Variants in NEMP2 observed in about 807,000 individuals in gnomAD.
NEMP2 encodes the protein nuclear envelope integral membrane protein 2.
NEMP2 carries 53 observed loss-of-function variants against 54.2 expected under a neutral mutation model. That is an observed-to-expected ratio of 0.98 (90% CI 0.78 to 1.23). The LOEUF (loss-of-function observed/expected upper bound fraction) is 1.23. NEMP2 is among the 50% of genes most tolerant of loss of function. NEMP2 has a pLI of 0.00. For synonymous variants in NEMP2, 197 were observed against 190.3 expected, an observed-to-expected ratio of 1.04 and a Z score of -0.29; for missense variants, 455 against 511.3, an observed-to-expected ratio of 0.89 and a Z score of 1.06.
the NEMP2 span, among the ~76,000 whole-genome samples, chr2:190,548,936 T>C: frequency 2.0e-5 from 3 of 152,242 alleles, no homozygotes; most frequent in Non-Finnish European, 4.4e-5. Context: ...CATGTGTTTG[T>C]TTATAGTTGT....
chr2:190,519,755 T>G lies in NEMP2; in HGVS notation c.214-572A>C, dbSNP rs1329634509. ...AAGTCCCTCTTCTAGCAAGTTATTG[T>G]GGCCAAGAGACATTAAAAAGGATAA... On this transcript the variant is annotated intron_variant, in intron 2 of 8. Transcript: ENST00000409150. This position sits in a 1 kb window ranked among gnomAD's most constrained non-coding sequence, Gnocchi z 5.4. Among the ~76,000 whole-genome samples, 1 of 152,212 alleles carries G rather than the reference T, an allele frequency of 6.6e-6. No individual in the cohort carries two copies. The highest frequency in any genetic ancestry group is 1.5e-5 in the Non-Finnish European group (1 of 68,030).
At chr2:190,545,058 G>A in the NEMP2 span, among the ~76,000 whole-genome samples, 17 of 151,950 alleles carry the variant, frequency 1.1e-4, no homozygotes, top group South Asian at 3.1e-3. Context: ...CTATGATTAC[G>A]CCACTGCATT....
chr2:190,623,723 T>C, the NEMP2 span, among the ~76,000 whole-genome samples: 3 of 151,876 alleles, frequency 2.0e-5, no homozygotes, highest in African/African-American at 7.2e-5. Flanking sequence ...AAGAAAACAT[T>C]GGGGGAAATG....
the NEMP2 span, among the ~76,000 whole-genome samples, chr2:190,578,604 G>A: frequency 6.6e-6 from 1 of 152,136 alleles, no homozygotes; most frequent in African/African-American, 2.4e-5. The surrounding 1 kb of genome is among the most constrained non-coding windows in gnomAD (Gnocchi z 4.4). Context: ...AAGACTGAGG[G>A]CATGAGACAG....
chr2:190,519,210 T>C lies in NEMP2; in HGVS notation c.214-27A>G, dbSNP rs746646373. The C allele has an allele frequency of 7.0e-7, 1 of 1,435,908 alleles. No individual in the cohort carries two copies. Among genetic ancestry groups the C allele is most frequent in the South Asian group, 1.2e-5 (1 of 81,418 alleles). The allele number at this position is 1,435,908 out of a possible 1,614,324, so 88.9% of individuals were successfully genotyped here. A position where few individuals can be genotyped will look rare whatever the true frequency, so the allele number is the denominator to read the frequency against. On this transcript the variant is annotated intron_variant, in intron 2 of 8. Coordinates refer to ENST00000409150, the MANE Select transcript of NEMP2 (RefSeq NM_001142645.2). The surrounding 1 kb of genome is among the most constrained non-coding windows in gnomAD (Gnocchi z 5.4). Reference sequence around the variant, plus strand: ...TGTAAAACAAGAACAAGCAAATCCATAAACAGAATAACTTCTCTTTTTTGT... The same window carrying C: ...TGTAAAACAAGAACAAGCAAATCCACAAACAGAATAACTTCTCTTTTTTGT...
chr2:190,619,807 G>T, the NEMP2 span, among the ~76,000 whole-genome samples: 2 of 152,168 alleles, frequency 1.3e-5, no homozygotes, highest in African/African-American at 4.8e-5. This position sits in a 1 kb window ranked among gnomAD's most constrained non-coding sequence, Gnocchi z 5.5. Flanking sequence ...GCCAAAAGTT[G>T]AGAGTGGGAG....
the NEMP2 span, chr2:190,624,641 T>C: frequency 6.6e-6 from 1 of 152,224 alleles, no homozygotes; most frequent in Non-Finnish European, 1.5e-5. Context: ...AAAAATACAA[T>C]GCTTTCATTT....
the NEMP2 span, among the ~76,000 whole-genome samples, chr2:190,541,015 ATTC>A: frequency 6.6e-6 from 1 of 151,996 alleles, no homozygotes; most frequent in Admixed American, 6.6e-5. This position sits in a 1 kb window ranked among gnomAD's most constrained non-coding sequence, Gnocchi z 5.2. Flanking sequence ...GTGAATACTC[ATTC>A]ACATTAGTCT....
chr2:190,423,886 T>G, the NEMP2 span, among the ~76,000 whole-genome samples: 1 of 152,214 alleles, frequency 6.6e-6, no homozygotes, highest in Non-Finnish European at 1.5e-5. The surrounding 1 kb of genome is among the most constrained non-coding windows in gnomAD (Gnocchi z 4.3). Context: ...CCCTAATCAT[T>G]AATGATGTTG....
the NEMP2 span, among the ~76,000 whole-genome samples, chr2:190,642,071 C>T: frequency 7.2e-5 from 11 of 152,144 alleles, no homozygotes; most frequent in Admixed American, 6.5e-4. This position sits in a 1 kb window ranked among gnomAD's most constrained non-coding sequence, Gnocchi z 4.1. Context: ...TATAAATTTG[C>T]TTATCTGTAG....
chr2:190,497,671 G>A, the NEMP2 span: 1 of 1,614,134 alleles, frequency 6.2e-7, no homozygotes, highest in Non-Finnish European at 8.5e-7. The surrounding 1 kb of genome is among the most constrained non-coding windows in gnomAD (Gnocchi z 5.2). Flanking sequence ...TTAAAGAGAT[G>A]ATGCAACTCA....
chr2:190,488,944 C>T, the NEMP2 span: 1 of 980,862 alleles, frequency 1.0e-6, no homozygotes, highest in Non-Finnish European at 1.4e-6. The surrounding 1 kb of genome is among the most constrained non-coding windows in gnomAD (Gnocchi z 6.4). Context: ...TATTCATAAT[C>T]TCTTTCTAGA....
the NEMP2 span, among the ~76,000 whole-genome samples, chr2:190,572,626 A>T: frequency 1.3e-5 from 2 of 151,900 alleles, no homozygotes; most frequent in African/African-American, 2.4e-5. Flanking sequence ...ATATAGTAAG[A>T]TAATTTTATT....
At chr2:190,437,787 C>G in the NEMP2 span, among the ~76,000 whole-genome samples, 1 of 152,160 alleles carries the variant, frequency 6.6e-6, no homozygotes, top group Non-Finnish European at 1.5e-5. This position sits in a 1 kb window ranked among gnomAD's most constrained non-coding sequence, Gnocchi z 5.9. Flanking sequence ...GCTTCCTCTG[C>G]TCTCCCACCC....
the NEMP2 span, among the ~76,000 whole-genome samples, chr2:190,497,117 T>A: frequency 6.6e-6 from 1 of 152,210 alleles, no homozygotes; most frequent in Admixed American, 6.5e-5. The surrounding 1 kb of genome is among the most constrained non-coding windows in gnomAD (Gnocchi z 5.2). Context: ...GTCTTTTTAA[T>A]CATAATCCTG....
At chr2:190,570,680 T>C in the NEMP2 span, among the ~76,000 whole-genome samples, 87 of 152,340 alleles carry the variant, frequency 5.7e-4, no homozygotes, top group Middle Eastern at 3.4e-3. This position sits in a 1 kb window ranked among gnomAD's most constrained non-coding sequence, Gnocchi z 5.4. Flanking sequence ...CTATTTCCAT[T>C]TGGGTCTCCC....
chr2:190,437,356 T>G, the NEMP2 span: 1 of 1,614,266 alleles, frequency 6.2e-7, no homozygotes, highest in Non-Finnish European at 8.5e-7. The surrounding 1 kb of genome is among the most constrained non-coding windows in gnomAD (Gnocchi z 5.9). Flanking sequence ...CAAGCTGCTC[T>G]GCAGCGTGCA....
upstream of NEMP2, among the ~76,000 whole-genome samples, chr2:190,539,643 A>G (rs1372176468): frequency 6.6e-6 from 1 of 152,140 alleles, no homozygotes; most frequent in Admixed American, 6.5e-5. This position sits in a 1 kb window ranked among gnomAD's most constrained non-coding sequence, Gnocchi z 4.1. Context: ...TTCATTGGTT[A>G]AACTGATTCC....
chr2:190,583,908 G>C, the NEMP2 span, among the ~76,000 whole-genome samples: 2 of 152,240 alleles, frequency 1.3e-5, no homozygotes, highest in Non-Finnish European at 2.9e-5. Flanking sequence ...CCATGGATCT[G>C]TGCTTGGAGT....
Sources: gnomAD v4.1 joint callset for allele counts (sites outside exome capture counted in the v4.1 genomes callset) on GRCh38, gnomAD v4.1.1 for gene constraint, Gnocchi (gnomAD v3.1) non-coding constraint, MANE v1.5 for transcripts, NCBI Gene and HGNC (gene_info 2026-07-23, HGNC 2026-07-21) for gene names.